Variants in ATRN observed in about 807,000 individuals in gnomAD.
ATRN encodes the protein attractin.
In ATRN, 54 loss-of-function variants were observed where a neutral mutation model predicts 178.7. The ratio of observed to expected loss-of-function variants is 0.30; its 90% CI spans 0.24 to 0.38. ATRN has a LOEUF of 0.38. ATRN is among the 10% of genes least tolerant of loss of function. The pLI is 1.00. For missense variants in ATRN, 1,443 were observed against 1,815.1 expected, an observed-to-expected ratio of 0.79 and a Z score of 3.73; for synonymous variants, 636 against 663.0, an observed-to-expected ratio of 0.96 and a Z score of 0.63.
At chr20:3,616,929 A>T (rs1358980831) in intron 24 of ATRN, among the ~76,000 whole-genome samples, 2 of 127,098 alleles carry the variant, frequency 1.6e-5, no homozygotes, top group African/African-American at 2.8e-5. Context: ...CTATACGAAG[A>T]TTTCTTAATG....
At chr20:3,604,548 C>T (rs927986182) in intron 24 of ATRN, among the ~76,000 whole-genome samples, 6 of 152,192 alleles carry the variant, frequency 3.9e-5, no homozygotes, top group African/African-American at 1.2e-4. Context: ...TGAGCATTTG[C>T]CATGTGAAAG....
chr20:3,489,792 G>T (rs2084758716), intron 1 of ATRN: 4 of 1,295,508 alleles, frequency 3.1e-6, no homozygotes, highest in Non-Finnish European at 3.4e-6. Context: ...CCCTTGGTAG[G>T]TGTAGTTTCC....
At chr20:3,495,671 A>C (rs942968397) in intron 1 of ATRN, among the ~76,000 whole-genome samples, 1 of 152,094 alleles carries the variant, frequency 6.6e-6, no homozygotes, top group Non-Finnish European at 1.5e-5. Context: ...CTGGTTAAAT[A>C]AAATATGACT....
chr20:3,576,828 A>C (rs1247658993), intron 13 of ATRN, 31 bp from the exon 14 acceptor site: 1 of 1,609,808 alleles, frequency 6.2e-7, no homozygotes, highest in Non-Finnish European at 8.5e-7. Flanking sequence ...CTGTGGATAC[A>C]AAAGAAAAGC....
chr20:3,527,774 A>AGTT (rs2085388822), intron 1 of ATRN, among the ~76,000 whole-genome samples: 1 of 152,178 alleles, frequency 6.6e-6, no homozygotes, highest in Non-Finnish European at 1.5e-5. Flanking sequence ...CTTTGCAGGG[A>AGTT]CATGATGAGG....
chr20:3,600,296 A>C (rs1329161057), intron 22 of ATRN, among the ~76,000 whole-genome samples: 1 of 152,232 alleles, frequency 6.6e-6, no homozygotes, highest in East Asian at 1.9e-4. Context: ...CTATATCTCT[A>C]AGTGGTAGAC....
intron 18 of ATRN, among the ~76,000 whole-genome samples, chr20:3,588,976 C>CTTTTTTTTTTTT (rs1375444238): frequency 5.2e-5 from 3 of 57,650 alleles, no homozygotes; most frequent in African/African-American, 1.7e-4. Context: ...GTAGTATTTT[C>CTTTTTTTTTTTT]TTTTGTTTTT....
intron 1 of ATRN, among the ~76,000 whole-genome samples, chr20:3,529,978 G>C (rs2085428231): frequency 6.6e-6 from 1 of 151,742 alleles, no homozygotes. Flanking sequence ...GATAAGTAAA[G>C]CTGAAAATAA....
chr20:3,634,478 G>A, intron 26 of ATRN, 89 bp downstream of exon 26: 2 of 1,179,560 alleles, frequency 1.7e-6, no homozygotes, highest in South Asian at 2.6e-5. Context: ...TAGCTATTTA[G>A]TGATAATGGA....
At chr20:3,644,103 A>G (rs1375452179) in intron 27 of ATRN, 51 bp from the exon 28 acceptor site, 2 of 1,356,812 alleles carry the variant, frequency 1.5e-6, no homozygotes, top group East Asian at 2.3e-5. Flanking sequence ...AGTTGTCCGT[A>G]TACATTAAAG....
rs377762406 is a variant in ATRN, at chr20:3,472,322, G to A, written c.410+805G>A. The stretch of plus-strand genomic sequence containing the variant: ...AGCCAGACTTTGGCCTTGTCCACAG[G>A]GAGTTTGGAATATAGCAAGAGAAAG... On this transcript the variant is annotated intron_variant, in intron 1 of 28. Coordinates refer to ENST00000262919, the MANE Select transcript of ATRN (RefSeq NM_139321.3). Among the ~76,000 whole-genome samples the A allele has an allele frequency of 1.5e-4, 23 of 152,204 alleles. No individual in the cohort carries two copies. In the East Asian group the frequency reaches 2.5e-3, roughly 17 times the overall value.
intron 6 of ATRN, among the ~76,000 whole-genome samples, chr20:3,557,415 A>G (rs1600104483): frequency 6.6e-6 from 1 of 152,190 alleles, no homozygotes; most frequent in Non-Finnish European, 1.5e-5. Context: ...GTTCTGGAGG[A>G]AAAAAAGGAT....
intron 1 of ATRN, chr20:3,490,731 T>C (rs1600020140): frequency 1.3e-6 from 1 of 794,420 alleles, no homozygotes; most frequent in Non-Finnish European, 2.3e-6. Flanking sequence ...TGGGTGCTTC[T>C]GGTGGAATTC....
At chr20:3,540,474 C>A in intron 3 of ATRN, 139 bp downstream of exon 3, 1 of 590,220 alleles carries the variant, frequency 1.7e-6, no homozygotes, top group Non-Finnish European at 2.9e-6. Flanking sequence ...GTTCTTCAGT[C>A]CCATCACTTG....
rs559784814 is a variant in ATRN at position 3,498,181 on chromosome 20, C to T, written c.410+26664C>T. 6.6e-5 allele frequency among the ~76,000 whole-genome samples: 10 copies of T among 152,212 alleles called. No homozygotes were observed. The South Asian group carries it at 2.1e-3, about 32-fold the overall frequency. On this transcript the variant is annotated intron_variant, in intron 1 of 28. Coordinates refer to ENST00000262919, the MANE Select transcript of ATRN (RefSeq NM_139321.3). The stretch of plus-strand genomic sequence containing the variant: ...CCAATAACAGGATCTGAAATTGTGG[C>T]AATAATCAATAGCTTACCAACCAAA...
intron 19 of ATRN, 94 bp from the exon 20 acceptor site, chr20:3,594,385 C>T: frequency 1.1e-6 from 1 of 926,050 alleles, no homozygotes; most frequent in Non-Finnish European, 1.6e-6. Flanking sequence ...CTACTGAACT[C>T]AATTCAGATA....
chr20:3,484,648 T>C (rs527279212), intron 1 of ATRN, among the ~76,000 whole-genome samples: 4 of 152,238 alleles, frequency 2.6e-5, no homozygotes, highest in Admixed American at 6.5e-5. Flanking sequence ...AAAATCCCTG[T>C]TGATATTTTG....
chr20:3,474,517 C>A (rs748865951), intron 1 of ATRN, among the ~76,000 whole-genome samples: 67 of 151,754 alleles, frequency 4.4e-4, no homozygotes, highest in Non-Finnish European at 8.4e-4. Context: ...ACCATCCTGG[C>A]TAACTTGGTG....
At chr20:3,492,871 G>GCGCACA (rs1313147425) in intron 1 of ATRN, among the ~76,000 whole-genome samples, 6 of 132,448 alleles carry the variant, frequency 4.5e-5, no homozygotes, top group African/African-American at 1.9e-4. Context: ...GCGCGCGTGC[G>GCGCACA]CACGCACACA....
Sources: gnomAD v4.1 joint callset for allele counts (sites outside exome capture counted in the v4.1 genomes callset) on GRCh38, gnomAD v4.1.1 for gene constraint, MANE v1.5 for transcripts, NCBI Gene and HGNC (gene_info 2026-07-23, HGNC 2026-07-21) for gene names.